The following IRAK4 variants were observed in gnomAD, a reference collection of about 807,000 sequenced individuals.
IRAK4 encodes the protein interleukin-1 receptor-associated kinase 4.
Under a neutral mutation model 51.8 loss-of-function variants are expected in IRAK4, and 44 were observed. That is an observed-to-expected ratio of 0.85 (90% CI 0.67 to 1.09). The LOEUF is 1.09. Ranked by LOEUF, IRAK4 falls within the 50% of genes least tolerant of loss-of-function variation. The pLI is 0.00. For synonymous variants in IRAK4, 149 were observed against 174.1 expected (o/e 0.86, Z 1.13); for missense variants, 487 against 538.0 (o/e 0.91, Z 0.94).
At chr12:43,769,125 G>C (rs768570808) in intron 2 of IRAK4, among the ~76,000 whole-genome samples, 4 of 152,062 alleles carry the variant, frequency 2.6e-5, no homozygotes, top group Non-Finnish European at 5.9e-5. Context: ...AGTGGTGGCA[G>C]GAAGATAAAG....
rs764544279 is a variant in IRAK4, at chr12:43,772,168, T to C, written c.308-12T>C. 3.5e-5 allele frequency: 56 copies of C among 1,608,630 alleles called. No homozygotes were observed. Among genetic ancestry groups the C allele is most frequent in the Non-Finnish European group, 4.6e-5 (54 of 1,176,340 alleles). On this transcript the variant is annotated splice_polypyrimidine_tract_variant and intron_variant, in intron 3 of 11. Coordinates refer to ENST00000613694, the MANE Select transcript of IRAK4 (RefSeq NM_016123.4). Reference sequence around the variant, plus strand: ...TACTGAAAAACCACTTGTATCTTACTTCATTTGTTAGATGCTGTTCCCAAA... The same window carrying C: ...TACTGAAAAACCACTTGTATCTTACCTCATTTGTTAGATGCTGTTCCCAAA...
chr12:43,768,411 C>G, intron 2 of IRAK4, 139 bp downstream of exon 2: 1 of 634,354 alleles, frequency 1.6e-6, no homozygotes, highest in Non-Finnish European at 2.7e-6. Context: ...TAGGTAACCT[C>G]TTTTTGATTG....
At position 43,786,476 on chromosome 12, in the gene IRAK4, T is replaced by C. The variant is rs1396028154; in HGVS notation, c.1266T>C (p.Asp422=). The change falls in exon 11 of 12, where the codon GAT becomes GAC. Residue 422 remains aspartate (D), a synonymous_variant. Transcript: ENST00000613694. ...DYIDKKMNDA[D]STSVEAMYSV... Reference sequence around the variant, plus strand: ...TTGATAAAAAGATGAATGATGCTGATTCCACTTCAGTTGAAGCTATGTACT... The same window carrying C: ...TTGATAAAAAGATGAATGATGCTGACTCCACTTCAGTTGAAGCTATGTACT... The C allele has an allele frequency of 6.2e-7, 1 of 1,612,726 alleles. No individual in the cohort carries two copies. Among genetic ancestry groups the C allele is most frequent in the Admixed American group, 1.7e-5 (1 of 59,870 alleles).
At chr12:43,781,376 T>G (rs1565682492) in intron 8 of IRAK4, among the ~76,000 whole-genome samples, 3 of 152,200 alleles carry the variant, frequency 2.0e-5, no homozygotes, top group Non-Finnish European at 4.4e-5. Flanking sequence ...TGTGAAAACT[T>G]TAGCTGGTAT....
At chr12:43,766,814 A>T (rs1940198074) in intron 1 of IRAK4, among the ~76,000 whole-genome samples, 1 of 152,190 alleles carries the variant, frequency 6.6e-6, no homozygotes, top group Non-Finnish European at 1.5e-5. Context: ...GCAAGTCACT[A>T]GGTGTATATT....
chr12:43,777,322 G>A (rs1376708819), intron 6 of IRAK4, among the ~76,000 whole-genome samples: 2 of 152,142 alleles, frequency 1.3e-5, no homozygotes, highest in Admixed American at 6.5e-5. Context: ...CCAGATGGTC[G>A]AGGCCGCAGT....
At chr12:43,777,828 A>G in intron 7 of IRAK4, 84 bp downstream of exon 7, 1 of 1,132,012 alleles carries the variant, frequency 8.8e-7, no homozygotes, top group Non-Finnish European at 1.3e-6. Flanking sequence ...GATTATTTAA[A>G]CCAAATTCAC....
rs1268302560 is a variant in IRAK4, at chr12:43,783,870, T to TA, written c.1188+149dup. The TA allele has an allele frequency of 1.2e-5, 8 of 656,808 alleles. No homozygotes were observed. In the East Asian group the frequency reaches 2.2e-4, roughly 18 times the overall value. 40.7% of individuals were successfully genotyped at this position (656,808 alleles called of 1,614,324 possible). On this transcript the variant is annotated intron_variant, in intron 10 of 11. Transcript: ENST00000613694. ...ACACGACAGCATATGGAAAAAGCAT[T>TA]AAATATTTTCATTCTCAGCTCTCCC...
rs1592267016 is a variant in IRAK4 at position 43,786,305 on chromosome 12, T to C, written c.1189-94T>C. The C allele has an allele frequency of 3.7e-6, 3 of 802,780 alleles. No homozygotes were observed. In the East Asian group the frequency reaches 1.0e-4, roughly 28 times the overall value. The allele number at this position is 802,780 out of a possible 1,614,324, so 49.7% of individuals were successfully genotyped here. A position where few individuals can be genotyped will look rare whatever the true frequency, so the allele number is the denominator to read the frequency against. On this transcript the variant is annotated intron_variant, in intron 10 of 11. Transcript: ENST00000613694. ...GATAGTAAAATGAGAGCACATGTTA[T>C]TACAAAGTAGATTAATTTAAATAAT... is the stretch of plus-strand genomic sequence containing the variant.
Position 43,782,383 on chromosome 12 carries a change from GC to G in IRAK4, c.1021del (p.Gln341ArgfsTer4). 1 of 1,613,706 alleles carries G rather than the reference GC, an allele frequency of 6.2e-7. No homozygotes were observed. ...CCTTGCACGGGCTTCTGAGAAGTTT[GC>G]CCAGACAGTCATGACTAGCAGAATT... Reference protein sequence around the residue: ...FGLARASEKFAQTVMTSRIVG... With the variant: ...FGLARASEKFXQTVMTSRIVG... On this transcript the variant is annotated frameshift_variant, in exon 9 of 12. Coordinates refer to ENST00000613694, the MANE Select transcript of IRAK4 (RefSeq NM_016123.4). LOFTEE classifies it high-confidence loss of function.
intron 9 of IRAK4, among the ~76,000 whole-genome samples, chr12:43,783,319 T>G (rs1941938104): frequency 6.6e-6 from 1 of 151,784 alleles, no homozygotes; most frequent in Non-Finnish European, 1.5e-5. Context: ...TCATGTATAA[T>G]ATATATATTT....
Position 43,783,740 on chromosome 12 carries a change from A to C in IRAK4, c.1188+16A>C. 6.5e-7 allele frequency: 1 copy of C among 1,543,894 alleles called. No individual in the cohort carries two copies. The highest frequency in any genetic ancestry group is 8.9e-7 in the Non-Finnish European group (1 of 1,118,160). On this transcript the variant is annotated intron_variant, in intron 10 of 11. Transcript: ENST00000613694. ...TCAGTTATTGGTAAATGAAATATTC[A>C]TTTTCCTCAATCCTTTTTTCTCTGC...
At chr12:43,771,144 G>A (rs145145210) in intron 2 of IRAK4, 76 bp from the exon 3 acceptor site, 470 of 1,223,664 alleles carry the variant, frequency 3.8e-4, no homozygotes, top group Admixed American at 1.3e-3. Flanking sequence ...TACCCTGTCT[G>A]TGGTATTCTA....
At chr12:43,764,489 C>T (rs558128367) in intron 1 of IRAK4, among the ~76,000 whole-genome samples, 4 of 152,288 alleles carry the variant, frequency 2.6e-5, no homozygotes, top group East Asian at 3.9e-4. Flanking sequence ...CTTTTGTAAG[C>T]GATAACACCA....
chr12:43,767,457 A>T (rs571854615), intron 1 of IRAK4, among the ~76,000 whole-genome samples: 7 of 152,338 alleles, frequency 4.6e-5, no homozygotes, highest in African/African-American at 1.4e-4. Flanking sequence ...AGAAATAAAG[A>T]TTCTGTCTAG....
intron 7 of IRAK4, 103 bp from the exon 8 acceptor site, chr12:43,778,090 C>A: frequency 1.4e-6 from 1 of 728,644 alleles, no homozygotes. Flanking sequence ...AATGCTATAA[C>A]ATCATCTTCA....
In IRAK4 at chr12:43,780,658, G is replaced by A. The variant is rs4251515; in HGVS notation, c.942-1649G>A. ...GCGGTCTTGGCTCACTGCAACCGTCGCCTCCCGGGTTCAAGAGATTCTCGA... is the reference window on the plus strand; with the variant it reads ...GCGGTCTTGGCTCACTGCAACCGTCACCTCCCGGGTTCAAGAGATTCTCGA... On this transcript the variant is annotated intron_variant, in intron 8 of 11. Transcript: ENST00000613694. Among the ~76,000 whole-genome samples the A allele has an allele frequency of 2.0e-3, 293 of 150,244 alleles. 3 individuals carry two copies. Among genetic ancestry groups the A allele is most frequent in the African/African-American group, 6.7e-3 (275 of 40,776 alleles).
At chr12:43,780,549 T>C (rs1021163969) in intron 8 of IRAK4, among the ~76,000 whole-genome samples, 9 of 151,838 alleles carry the variant, frequency 5.9e-5, no homozygotes, top group Admixed American at 4.6e-4. Flanking sequence ...CTTATATCAT[T>C]GTCTCTTTTC....
At position 43,767,096 on chromosome 12, in the gene IRAK4, T is replaced by C. The variant is rs4251453; in HGVS notation, c.-9-1007T>C. Among the ~76,000 whole-genome samples the C allele has an allele frequency of 2.9e-3, 446 of 152,332 alleles. 3 individuals are homozygous for C. The highest frequency in any genetic ancestry group is 0.01 in the African/African-American group (419 of 41,572). On this transcript the variant is annotated intron_variant, in intron 1 of 11. Transcript: ENST00000613694. The stretch of plus-strand genomic sequence containing the variant: ...AATGTTGTTCCATATGAACACATTA[T>C]TTACTCTAAAATTGTATTTTTAAAA...
Sources: allele counts gnomAD v4.1 joint callset (sites outside exome capture counted in the v4.1 genomes callset), GRCh38; gene constraint gnomAD v4.1.1; transcripts MANE v1.5; gene names NCBI Gene and HGNC (gene_info 2026-07-23, HGNC 2026-07-21).